The following ADGRB3 variants were observed in gnomAD, a reference collection of about 807,000 sequenced individuals.
ADGRB3 encodes the protein brain-specific angiogenesis inhibitor 3.
A neutral mutation model predicts 193.4 loss-of-function variants in ADGRB3; 37 were observed. The observed-to-expected ratio is 0.19, with a 90% CI of 0.15 to 0.25. ADGRB3 has a LOEUF of 0.25. Ranked by LOEUF, ADGRB3 falls within the 10% of genes least tolerant of loss-of-function variation. ADGRB3 has a pLI of 1.00. For synonymous variants in ADGRB3, 690 were observed against 644.2 expected, an observed-to-expected ratio of 1.07 and a Z score of -1.08; for missense variants, 1,637 against 1,852.9, an observed-to-expected ratio of 0.88 and a Z score of 2.14.
chr6:69,176,270 A>G (rs1240796423), intron 17 of ADGRB3, among the ~76,000 whole-genome samples: 2 of 152,112 alleles, frequency 1.3e-5, no homozygotes, highest in Non-Finnish European at 2.9e-5. Context: ...GTTAGCTGCA[A>G]GTTTATCATG....
At chr6:69,219,201 CT>C (rs1765836619) in intron 17 of ADGRB3, among the ~76,000 whole-genome samples, 1 of 151,720 alleles carries the variant, frequency 6.6e-6, no homozygotes, top group African/African-American at 2.4e-5. Flanking sequence ...TTGTACCGGT[CT>C]TTCTCAATGT....
chr6:69,230,483 A>G (rs1766108471), intron 17 of ADGRB3, among the ~76,000 whole-genome samples: 1 of 152,184 alleles, frequency 6.6e-6, no homozygotes, highest in Non-Finnish European at 1.5e-5. Context: ...CCTCCCTGAA[A>G]TCAATCAGAC....
intron 3 of ADGRB3, among the ~76,000 whole-genome samples, chr6:68,705,274 T>A (rs1295890313): frequency 1.3e-5 from 2 of 152,168 alleles, no homozygotes; most frequent in Non-Finnish European, 2.9e-5. Context: ...GCTCAAAGAG[T>A]GTAGGGACTG....
At chr6:68,944,694 A>T (rs1767730259) in intron 6 of ADGRB3, among the ~76,000 whole-genome samples, 2 of 152,160 alleles carry the variant, frequency 1.3e-5, no homozygotes. Context: ...GTTTATTCCA[A>T]CATCAAACAA....
At chr6:68,740,861 T>G (rs1425084532) in intron 3 of ADGRB3, among the ~76,000 whole-genome samples, 1 of 152,184 alleles carries the variant, frequency 6.6e-6, no homozygotes. Context: ...AAAGATAAAG[T>G]GAGTTTGTTT....
chr6:69,330,199 A>T (rs1032234376), intron 22 of ADGRB3, among the ~76,000 whole-genome samples: 2 of 152,172 alleles, frequency 1.3e-5, no homozygotes, highest in African/African-American at 4.8e-5. Context: ...AATAATACTC[A>T]ACTTTGTAAT....
chr6:69,311,778 A>G (rs1165260413), intron 20 of ADGRB3, among the ~76,000 whole-genome samples: 1 of 151,704 alleles, frequency 6.6e-6, no homozygotes, highest in South Asian at 2.1e-4. Flanking sequence ...TCATTTCCAT[A>G]CGACATCTCC....
intron 3 of ADGRB3, among the ~76,000 whole-genome samples, chr6:68,824,825 A>G (rs1284845717): frequency 2.6e-5 from 4 of 151,700 alleles, no homozygotes; most frequent in Non-Finnish European, 5.9e-5. Context: ...TATTTATGTT[A>G]TAATGTGCAT....
chr6:69,196,224 T>G (rs775607775), intron 17 of ADGRB3, among the ~76,000 whole-genome samples: 15 of 152,108 alleles, frequency 9.9e-5, no homozygotes, highest in South Asian at 4.1e-4. Context: ...TAACAAAAAT[T>G]TCCTTTCTTG....
chr6:68,911,599 C>CAAA (rs1766713011), intron 3 of ADGRB3, among the ~76,000 whole-genome samples: 1 of 151,998 alleles, frequency 6.6e-6, no homozygotes, highest in South Asian at 2.1e-4. Flanking sequence ...AAAGAAAGTG[C>CAAA]ACATTTAGAA....
At chr6:68,691,868 A>G (rs988492096) in intron 3 of ADGRB3, among the ~76,000 whole-genome samples, 3 of 151,466 alleles carry the variant, frequency 2.0e-5, no homozygotes, top group African/African-American at 2.4e-5. Context: ...ATATGTATGT[A>G]TGCAATCGAG....
At chr6:69,312,887 G>A (rs564060643) in intron 20 of ADGRB3, among the ~76,000 whole-genome samples, 2 of 151,738 alleles carry the variant, frequency 1.3e-5, no homozygotes, top group Non-Finnish European at 2.9e-5. Flanking sequence ...ATAAATTACT[G>A]TAACGGGTTG....
intron 17 of ADGRB3, among the ~76,000 whole-genome samples, chr6:69,126,328 A>T (rs1307429616): frequency 2.6e-5 from 4 of 152,102 alleles, no homozygotes; most frequent in African/African-American, 7.2e-5. Context: ...TGGCTCACAC[A>T]ATAGTGGAGA....
At chr6:69,320,876 G>A (rs959898669) in intron 20 of ADGRB3, among the ~76,000 whole-genome samples, 2 of 142,524 alleles carry the variant, frequency 1.4e-5, no homozygotes, top group Admixed American at 7.2e-5. Flanking sequence ...CTCCTACGCC[G>A]GGAGAATTTT....
intron 3 of ADGRB3, among the ~76,000 whole-genome samples, chr6:68,783,476 A>T (rs1766900529): frequency 6.6e-6 from 1 of 151,726 alleles, no homozygotes; most frequent in South Asian, 2.1e-4. Flanking sequence ...CTCAAGTTGA[A>T]CTTGAAATAT....
intron 3 of ADGRB3, among the ~76,000 whole-genome samples, chr6:68,655,565 C>T (rs953458553): frequency 2.0e-4 from 30 of 151,506 alleles, no homozygotes; most frequent in African/African-American, 5.3e-4. Flanking sequence ...ATTAAAATGC[C>T]TCCTGGACTG....
intron 20 of ADGRB3, among the ~76,000 whole-genome samples, chr6:69,279,568 C>CAT (rs1008882489): frequency 1.3e-5 from 2 of 151,806 alleles, no homozygotes; most frequent in African/African-American, 2.4e-5. Context: ...TGTAATTATA[C>CAT]ATATATATAT....
chr6:68,784,786 A>G (rs942848250), intron 3 of ADGRB3, among the ~76,000 whole-genome samples: 1 of 152,088 alleles, frequency 6.6e-6, no homozygotes, highest in Non-Finnish European at 1.5e-5. Context: ...CACTCATTTG[A>G]GTTATATCTC....
chr6:69,233,536 G>A, intron 18 of ADGRB3, 120 bp downstream of exon 18: 1 of 1,344,202 alleles, frequency 7.4e-7, no homozygotes, highest in Non-Finnish European at 1.0e-6. Flanking sequence ...ACAAAATTGG[G>A]TTCGTCTCCT....
Sources: gnomAD v4.1 joint callset for allele counts (sites outside exome capture counted in the v4.1 genomes callset) on GRCh38, gnomAD v4.1.1 for gene constraint, MANE v1.5 for transcripts, NCBI Gene and HGNC (gene_info 2026-07-23, HGNC 2026-07-21) for gene names.